Variants in TBC1D22B observed in about 807,000 individuals in gnomAD.
TBC1D22B encodes the protein TBC1 domain family member 22B, also known as chromosome 6 open reading frame 197.
A neutral mutation model predicts 69.1 loss-of-function variants in TBC1D22B; 32 were observed. The ratio of observed to expected loss-of-function variants is 0.46; its 90% confidence interval spans 0.35 to 0.62. TBC1D22B has a LOEUF of 0.62. TBC1D22B is among the 20% of genes least tolerant of loss of function. TBC1D22B has a pLI of 0.00. For missense variants in TBC1D22B, 462 were observed against 630.9 expected, an observed-to-expected ratio of 0.73 and a Z score of 2.87; for synonymous variants, 206 against 229.8, an observed-to-expected ratio of 0.90 and a Z score of 0.94.
chr6:37,301,479 T>G (rs533378855), intron 8 of TBC1D22B, among the ~76,000 whole-genome samples: 3 of 152,334 alleles, frequency 2.0e-5, no homozygotes, highest in Non-Finnish European at 4.4e-5. Flanking sequence ...TTTATATAAA[T>G]GGAACCACAC....
intron 5 of TBC1D22B, 87 bp downstream of exon 5, chr6:37,283,039 C>T: frequency 9.2e-7 from 1 of 1,085,884 alleles, no homozygotes. Flanking sequence ...TTGGTCTTAA[C>T]TCCATAGACT....
intron 1 of TBC1D22B, among the ~76,000 whole-genome samples, chr6:37,261,866 C>T (rs957681562): frequency 2.0e-5 from 3 of 151,636 alleles, no homozygotes; most frequent in African/African-American, 2.4e-5. Context: ...GAATCTCCGT[C>T]TCTACTAAAA....
At chr6:37,258,205 G>T in intron 1 of TBC1D22B, 2 of 554,118 alleles carry the variant, frequency 3.6e-6, no homozygotes, top group Admixed American at 3.3e-5. Flanking sequence ...CAGGAGGGGT[G>T]ACCTCAGCGG....
At chr6:37,312,150 T>C (rs1767932279) in intron 8 of TBC1D22B, among the ~76,000 whole-genome samples, 1 of 152,252 alleles carries the variant, frequency 6.6e-6, no homozygotes, top group African/African-American at 2.4e-5. Context: ...TAAACAAAGT[T>C]AAGCAGATTT....
Position 37,331,041 on chromosome 6 carries a change from C to T in TBC1D22B, c.1390-3C>T. The T allele has an allele frequency of 1.9e-6, 3 of 1,614,036 alleles. No homozygotes were observed. The highest frequency in any genetic ancestry group is 2.5e-6 in the Non-Finnish European group (3 of 1,179,956). On this transcript the variant is annotated splice_region_variant and splice_polypyrimidine_tract_variant and intron_variant, in intron 12 of 12. Transcript: ENST00000373491. Reference sequence around the variant, plus strand: ...GATATAAAAGTCCTTTCTTGCATTCCAGGGTCTCCTCATGCTGCTACAGAA... The same window carrying T: ...GATATAAAAGTCCTTTCTTGCATTCTAGGGTCTCCTCATGCTGCTACAGAA...
chr6:37,293,164 G>A (rs57194078), intron 8 of TBC1D22B, among the ~76,000 whole-genome samples: 4,759 of 150,692 alleles, frequency 0.032, 238 homozygotes, highest in African/African-American at 0.11. Flanking sequence ...AGCAACCTCC[G>A]CTGCCCGGGT....
At position 37,313,067 on chromosome 6, in the gene TBC1D22B, G is replaced by T. The variant is rs763126986; in HGVS notation, c.1089+43G>T. 5.9e-6 allele frequency: 9 copies of T among 1,538,162 alleles called. 1 individual carries two copies. In the South Asian group the frequency reaches 1.0e-4, roughly 17 times the overall value. Reference sequence around the variant, plus strand: ...TTGTGGGAACAAACGTCTAGGTCCAGAGGCTCCCAGCAGGGCTTTGGTTTC... The same window carrying T: ...TTGTGGGAACAAACGTCTAGGTCCATAGGCTCCCAGCAGGGCTTTGGTTTC... On this transcript the variant is annotated intron_variant, in intron 9 of 12. Coordinates refer to ENST00000373491, the MANE Select transcript of TBC1D22B (RefSeq NM_017772.4).
chr6:37,261,403 G>A (rs551184973), intron 1 of TBC1D22B, among the ~76,000 whole-genome samples: 1 of 142,744 alleles, frequency 7.0e-6, no homozygotes, highest in East Asian at 2.0e-4. Context: ...CTCCACTCCA[G>A]CCTGGGCAAC....
intron 8 of TBC1D22B, among the ~76,000 whole-genome samples, chr6:37,296,560 G>A (rs890288372): frequency 8.3e-4 from 126 of 152,104 alleles, no homozygotes; most frequent in African/African-American, 2.8e-3. Context: ...ACATTGCCGA[G>A]GCTCGTCTTG....
chr6:37,326,229 A>G (rs1768399405), intron 12 of TBC1D22B, among the ~76,000 whole-genome samples: 1 of 151,526 alleles, frequency 6.6e-6, no homozygotes, highest in Non-Finnish European at 1.5e-5. Context: ...AAAATGCAAA[A>G]ATTAGCTGGG....
chr6:37,294,093 G>T (rs974755275), intron 8 of TBC1D22B, among the ~76,000 whole-genome samples: 1 of 152,230 alleles, frequency 6.6e-6, no homozygotes. Flanking sequence ...AAATTGTCCG[G>T]AAGATCTAGT....
rs1412486498 is a variant in TBC1D22B at position 37,332,355 on chromosome 6, T to G, written c.*1183T>G. 6.6e-6 allele frequency: 1 copy of G among 151,760 alleles called. No individual in the cohort carries two copies. The highest frequency in any genetic ancestry group is 1.5e-5 in the Non-Finnish European group (1 of 67,868). 9.4% of individuals were successfully genotyped at this position (151,760 alleles called of 1,614,324 possible). The stretch of plus-strand genomic sequence containing the variant: ...AGGGACTGCAGAGGCGGGCAAGCCC[T>G]CTCTATGTGTTTTTATCCCCACCTT... On this transcript the variant is annotated 3_prime_UTR_variant, in exon 13 of 13. Coordinates refer to ENST00000373491, the MANE Select transcript of TBC1D22B (RefSeq NM_017772.4).
chr6:37,329,963 A>C (rs1055335961), intron 12 of TBC1D22B, among the ~76,000 whole-genome samples: 3 of 152,224 alleles, frequency 2.0e-5, no homozygotes, highest in African/African-American at 7.2e-5. Context: ...TAAAGGAAGA[A>C]ATCTCATAAA....
At chr6:37,302,255 C>T (rs1333497830) in intron 8 of TBC1D22B, among the ~76,000 whole-genome samples, 2 of 152,196 alleles carry the variant, frequency 1.3e-5, no homozygotes, top group Non-Finnish European at 2.9e-5. Flanking sequence ...AAAGTGGGTC[C>T]TCTGCAGATA....
At chr6:37,291,460 A>G in intron 8 of TBC1D22B, 103 bp downstream of exon 8, 1 of 791,538 alleles carries the variant, frequency 1.3e-6, no homozygotes, top group Non-Finnish European at 2.0e-6. Flanking sequence ...ATGTCTTGCT[A>G]GAAAATAGAG....
chr6:37,323,258 T>C (rs1768301113), intron 12 of TBC1D22B, among the ~76,000 whole-genome samples: 1 of 152,204 alleles, frequency 6.6e-6, no homozygotes, highest in Non-Finnish European at 1.5e-5. Context: ...CCAGTCGCAG[T>C]GGCTCATGCC....
chr6:37,258,379 C>T (rs2113959586), intron 1 of TBC1D22B, among the ~76,000 whole-genome samples: 1 of 152,238 alleles, frequency 6.6e-6, no homozygotes, highest in African/African-American at 2.4e-5. Flanking sequence ...GAGGATGGCC[C>T]CTTCCCTTGA....
chr6:37,311,818 A>C (rs190254608), intron 8 of TBC1D22B, among the ~76,000 whole-genome samples: 1 of 152,356 alleles, frequency 6.6e-6, no homozygotes, highest in East Asian at 1.9e-4. Flanking sequence ...GCTGTCTGGT[A>C]GAGAACTCAA....
intron 10 of TBC1D22B, among the ~76,000 whole-genome samples, chr6:37,316,063 G>A (rs867762033): frequency 3.3e-5 from 5 of 152,232 alleles, no homozygotes; most frequent in Admixed American, 1.3e-4. Flanking sequence ...ATCCCACTAA[G>A]CATTATTTGG....
Sources: gnomAD v4.1 joint callset for allele counts (sites outside exome capture counted in the v4.1 genomes callset) on GRCh38, gnomAD v4.1.1 for gene constraint, MANE v1.5 for transcripts, NCBI Gene and HGNC (gene_info 2026-07-23, HGNC 2026-07-21) for gene names.